Variants in SRD5A2 observed in about 807,000 individuals in gnomAD.
The protein encoded by SRD5A2 is 3-oxo-5-alpha-steroid 4-dehydrogenase 2.
Under a neutral mutation model 27.4 loss-of-function variants are expected in SRD5A2, and 30 were observed. That is an observed-to-expected ratio of 1.10 (90% CI 0.82 to 1.49). SRD5A2 has a LOEUF of 1.49. Among genes scored for constraint, SRD5A2 ranks in the 40% most tolerant of loss-of-function variants. SRD5A2 has a pLI of 0.00. For missense variants in SRD5A2, 348 were observed against 323.4 expected (o/e 1.08, Z -0.58); for synonymous variants, 141 against 133.6 (o/e 1.06, Z -0.38).
chr2:31,606,764 C>T, the SRD5A2 span, among the ~76,000 whole-genome samples: 1 of 152,014 alleles, frequency 6.6e-6, no homozygotes, highest in East Asian at 1.9e-4. Flanking sequence ...TGAGTCACAT[C>T]GTTGGCATAA....
At chr2:31,613,581 A>G in the SRD5A2 span, among the ~76,000 whole-genome samples, 3 of 152,210 alleles carry the variant, frequency 2.0e-5, no homozygotes, top group Non-Finnish European at 4.4e-5. Context: ...ATAAATTATT[A>G]TAGGCATTTT....
intron 3 of SRD5A2, among the ~76,000 whole-genome samples, chr2:31,530,408 G>A (rs1207312547): frequency 6.6e-6 from 1 of 152,140 alleles, no homozygotes; most frequent in Non-Finnish European, 1.5e-5. Flanking sequence ...TTCCCAACCT[G>A]TGATTCCCTA....
chr2:31,611,920 T>A, the SRD5A2 span, among the ~76,000 whole-genome samples: 2 of 152,106 alleles, frequency 1.3e-5, no homozygotes, highest in African/African-American at 4.8e-5. Context: ...TATCTGAATA[T>A]AGGAGAATAG....
At chr2:31,539,342 G>A (rs540206233) in intron 1 of SRD5A2, among the ~76,000 whole-genome samples, 2 of 152,226 alleles carry the variant, frequency 1.3e-5, no homozygotes, top group East Asian at 1.9e-4. Flanking sequence ...CTCTAGCCAA[G>A]GAATGAGAAA....
At chr2:31,660,680 A>G in the SRD5A2 span, among the ~76,000 whole-genome samples, 1 of 152,136 alleles carries the variant, frequency 6.6e-6, no homozygotes, top group Non-Finnish European at 1.5e-5. Flanking sequence ...CTGTGAATCT[A>G]AAACTACTAT....
chr2:31,570,191 G>A (rs1186405812), intron 1 of SRD5A2, among the ~76,000 whole-genome samples: 1 of 152,120 alleles, frequency 6.6e-6, no homozygotes, highest in Admixed American at 6.5e-5. Context: ...GGATCAAGCA[G>A]GCTTTATCCC....
chr2:31,619,908 G>C, the SRD5A2 span, among the ~76,000 whole-genome samples: 1 of 152,060 alleles, frequency 6.6e-6, no homozygotes, highest in East Asian at 1.9e-4. Flanking sequence ...ATTCTGTTGA[G>C]AGTTTCTTTT....
intron 1 of SRD5A2, among the ~76,000 whole-genome samples, chr2:31,550,390 C>A (rs1324341833): frequency 6.7e-6 from 1 of 149,202 alleles, no homozygotes; most frequent in Non-Finnish European, 1.5e-5. Context: ...CTTGTATTAC[C>A]CTAATCCAAA....
At chr2:31,626,815 C>T in the SRD5A2 span, among the ~76,000 whole-genome samples, 1 of 151,654 alleles carries the variant, frequency 6.6e-6, no homozygotes, top group Non-Finnish European at 1.5e-5. Context: ...GTCTAAAATT[C>T]TATTTTTTTT....
intron 1 of SRD5A2, among the ~76,000 whole-genome samples, chr2:31,562,841 T>C (rs1666651828): frequency 6.6e-6 from 1 of 152,028 alleles, no homozygotes; most frequent in Non-Finnish European, 1.5e-5. Context: ...AACAAATAAA[T>C]AAATGTCCAG....
chr2:31,648,959 A>G, the SRD5A2 span, among the ~76,000 whole-genome samples: 1 of 152,162 alleles, frequency 6.6e-6, no homozygotes, highest in Non-Finnish European at 1.5e-5. Flanking sequence ...GTGCCCTTGG[A>G]AGCCTTATAA....
the SRD5A2 span, among the ~76,000 whole-genome samples, chr2:31,593,116 C>T: frequency 3.3e-5 from 5 of 150,220 alleles, no homozygotes; most frequent in South Asian, 2.1e-4. Flanking sequence ...GTTGTGGGGT[C>T]GGGGGAGAGG....
At chr2:31,655,993 A>G in the SRD5A2 span, among the ~76,000 whole-genome samples, 2 of 152,208 alleles carry the variant, frequency 1.3e-5, no homozygotes, top group Non-Finnish European at 2.9e-5. Flanking sequence ...GGAAGGTGAA[A>G]GTAGATGCAC....
intron 1 of SRD5A2, among the ~76,000 whole-genome samples, chr2:31,537,991 T>G (rs564526317): frequency 1.3e-5 from 2 of 152,332 alleles, no homozygotes; most frequent in East Asian, 3.9e-4. Flanking sequence ...AATAGATTTC[T>G]GCTCTTTGTA....
chr2:31,624,137 G>T, the SRD5A2 span, among the ~76,000 whole-genome samples: 1 of 151,924 alleles, frequency 6.6e-6, no homozygotes, highest in Non-Finnish European at 1.5e-5. Flanking sequence ...TATTTATGGG[G>T]TACATGAGAT....
the SRD5A2 span, among the ~76,000 whole-genome samples, chr2:31,656,085 A>G: frequency 0.017 from 2,614 of 152,318 alleles, 40 homozygotes; most frequent in South Asian, 0.05. Context: ...CAGAAGACAA[A>G]TCATCTTGAA....
chr2:31,531,424 T>C lies in SRD5A2; in HGVS notation c.494A>G (p.Tyr165Cys). The C allele has an allele frequency of 1.2e-6, 2 of 1,601,658 alleles. No homozygotes were observed. The highest frequency in any genetic ancestry group is 1.7e-6 in the Non-Finnish European group (2 of 1,173,798). Residue 165 changes from tyrosine to cysteine, a missense_variant, in exon 3 of 5, where the codon TAT (tyrosine) becomes TGT (cysteine). Tyr to Cys is a radical substitution (Grantham distance 194). Transcript: ENST00000622030. ...AGGCTTCCTGAGCTGGCGCAATATA[T>C]AGTCACTATGAATGTTTATTCCCAT... ...LGMGINIHSDYILRQLRKPGE... is the reference protein window; with the variant it reads ...LGMGINIHSDCILRQLRKPGE...
chr2:31,594,159 G>A, the SRD5A2 span, among the ~76,000 whole-genome samples: 2 of 152,056 alleles, frequency 1.3e-5, no homozygotes, highest in African/African-American at 4.8e-5. Flanking sequence ...AAGATATTCA[G>A]GCAACAACTA....
intron 1 of SRD5A2, 74 bp from the exon 2 acceptor site, chr2:31,533,840 A>G: frequency 6.7e-7 from 1 of 1,491,116 alleles, no homozygotes; most frequent in Non-Finnish European, 9.0e-7. Flanking sequence ...CCTCTTTCTT[A>G]AGCTCACACC....
Sources: allele counts gnomAD v4.1 joint callset (sites outside exome capture counted in the v4.1 genomes callset), GRCh38; gene constraint gnomAD v4.1.1; transcripts MANE v1.5; gene names NCBI Gene and HGNC (gene_info 2026-07-23, HGNC 2026-07-21).